SBNO2: variants seen among roughly 807,000 people sequenced by gnomAD.
The protein encoded by SBNO2 is protein strawberry notch homolog 2.
A neutral mutation model predicts 146.3 loss-of-function variants in SBNO2; 89 were observed. The observed-to-expected ratio is 0.61, with a 90% confidence interval of 0.51 to 0.73. SBNO2 has a LOEUF of 0.73. Among genes scored for constraint, SBNO2 ranks in the 30% least tolerant of loss-of-function variants. SBNO2 has a pLI of 0.00. For missense variants in SBNO2, 2,092 were observed against 2,003.7 expected (o/e 1.04, Z -0.84); for synonymous variants, 1,147 against 892.6 (o/e 1.29, Z -5.08).
At chr19:1,147,581 C>T (rs1245602940) in intron 3 of SBNO2, among the ~76,000 whole-genome samples, 161 bp from the exon 4 acceptor site, 1 of 152,018 alleles carries the variant, frequency 6.6e-6, no homozygotes, top group Non-Finnish European at 1.5e-5. Flanking sequence ...TACAGAGGGG[C>T]CTCCAGGGGG....
At chr19:1,170,828 C>A (rs2080470436) in intron 1 of SBNO2, among the ~76,000 whole-genome samples, 2 of 152,148 alleles carry the variant, frequency 1.3e-5, no homozygotes, top group Admixed American at 1.3e-4. Context: ...TTTGCATGAG[C>A]ACGGGTGCAA....
chr19:1,156,814 C>T (rs951116501), intron 1 of SBNO2, among the ~76,000 whole-genome samples: 4 of 149,684 alleles, frequency 2.7e-5, no homozygotes, highest in African/African-American at 9.7e-5. Context: ...GAAGGGGATG[C>T]GTGGGTGCCG....
rs992706165 is a variant in SBNO2 at position 1,126,509 on chromosome 19, G to C, written c.441+1095C>G. 1.1e-4 allele frequency among the ~76,000 whole-genome samples: 16 copies of C among 152,234 alleles called. No homozygotes were observed. Among genetic ancestry groups the C allele is most frequent in the African/African-American group, 3.9e-4 (16 of 41,544 alleles). ...CTCTGCTGGGCCCTTGTGCCAGAGG[G>C]ACCAAGCCTGAGCCGCCCACCATGG... On this transcript the variant is annotated intron_variant, in intron 5 of 31. Coordinates refer to ENST00000361757, the MANE Select transcript of SBNO2 (RefSeq NM_014963.3). The surrounding 1 kb of genome is among the most constrained non-coding windows in gnomAD (Gnocchi z 4.4).
intron 4 of SBNO2, among the ~76,000 whole-genome samples, chr19:1,134,336 C>CGGGTGGACCCACAGCTCCT (rs796679896): frequency 0.013 from 2,041 of 151,936 alleles, 44 homozygotes; most frequent in African/African-American, 0.046. Context: ...CCACAGCTCC[C>CGGGTGGACCCACAGCTCCT]GGGTGGACCC....
rs552932552 is a variant in SBNO2, at chr19:1,129,787, G to C, written c.280-2022C>G. 5.3e-5 allele frequency among the ~76,000 whole-genome samples: 8 copies of C among 152,326 alleles called. No individual in the cohort carries two copies. In the East Asian group the frequency reaches 1.3e-3, roughly 26 times the overall value. ...CGCCCAGGCCTTGGTGGTGCAGGGA[G>C]CGCAGGCAGAGCGGAGGAGAGCTCC... is the stretch of plus-strand genomic sequence containing the variant. On this transcript the variant is annotated intron_variant, in intron 4 of 31. Transcript: ENST00000361757.
chr19:1,160,479 G>A (rs1270490472), intron 1 of SBNO2, among the ~76,000 whole-genome samples: 1 of 152,214 alleles, frequency 6.6e-6, no homozygotes, highest in Admixed American at 6.5e-5. Flanking sequence ...GAGACCCGGG[G>A]GAGGACGCAC....
intron 1 of SBNO2, among the ~76,000 whole-genome samples, chr19:1,172,514 C>T (rs113069638): frequency 0.01 from 1,578 of 152,278 alleles, 10 homozygotes; most frequent in Non-Finnish European, 0.017. Context: ...GGTCCCATGT[C>T]CCCGCTGCTC....
At chr19:1,135,220 C>G (rs115037373) in intron 4 of SBNO2, among the ~76,000 whole-genome samples, 2,082 of 151,838 alleles carry the variant, frequency 0.014, 45 homozygotes, top group African/African-American at 0.047. Flanking sequence ...AAACCAGCTG[C>G]GCATGGTGGC....
chr19:1,146,342 C>A (rs974651780), intron 4 of SBNO2, among the ~76,000 whole-genome samples: 1 of 152,102 alleles, frequency 6.6e-6, no homozygotes, highest in Non-Finnish European at 1.5e-5. Context: ...GTCCACCCGG[C>A]GAGCTGTTTG....
rs1005594621 is a variant in SBNO2 at position 1,140,074 on chromosome 19, T to C, written c.279+7235A>G. ...CAATGCTTTGGGAGGCTGAGGTGGGTGGATCACAAGGTCAGGAGATTGAGA... is the reference window on the plus strand; with the variant it reads ...CAATGCTTTGGGAGGCTGAGGTGGGCGGATCACAAGGTCAGGAGATTGAGA... On this transcript the variant is annotated intron_variant, in intron 4 of 31. Transcript: ENST00000361757. The surrounding 1 kb of genome is among the most constrained non-coding windows in gnomAD (Gnocchi z 4.4). Among the ~76,000 whole-genome samples, 1 of 151,526 alleles carries C rather than the reference T, an allele frequency of 6.6e-6. No homozygotes were observed. The highest frequency in any genetic ancestry group is 1.5e-5 in the Non-Finnish European group (1 of 67,890).
intron 5 of SBNO2, among the ~76,000 whole-genome samples, chr19:1,125,778 T>C (rs564790284): frequency 2.8e-4 from 43 of 152,140 alleles, no homozygotes; most frequent in African/African-American, 7.7e-4. Flanking sequence ...CGAGATCTTT[T>C]GGGGCCAGGG....
chr19:1,145,513 G>C (rs951430177), intron 4 of SBNO2, among the ~76,000 whole-genome samples: 4 of 151,394 alleles, frequency 2.6e-5, no homozygotes, highest in Non-Finnish European at 5.9e-5. Flanking sequence ...AAAGAGAGAA[G>C]GAACACACAG....
chr19:1,122,827 G>C, intron 8 of SBNO2, 36 bp from the exon 9 acceptor site: 2 of 1,537,720 alleles, frequency 1.3e-6, no homozygotes, highest in Non-Finnish European at 1.7e-6. Context: ...GCCTGGGGGT[G>C]CTGGCCCGGC....
chr19:1,128,237 G>C (rs761356088), intron 4 of SBNO2: 4 of 496,978 alleles, frequency 8.0e-6, no homozygotes, highest in Non-Finnish European at 1.6e-5. Flanking sequence ...GGGCAGCAAT[G>C]CTGCAGGAAC....
At position 1,109,160 on chromosome 19, in the gene SBNO2, G is replaced by A. The variant is rs945916509; in HGVS notation, c.3400C>T (p.Leu1134=). 4.5e-6 allele frequency: 7 copies of A among 1,556,762 alleles called. No homozygotes were observed. The Admixed American group carries it at 5.8e-5, about 13-fold the overall frequency. ...CAGGCGCTGTGGCTGCAGTGCGTCA[G>A]CGACAAAGCGTAGCCACTCTCCCAG... ...EPWESGYALS[L]THCSHSAWNR... is the part of the protein sequence containing the mutation. The change falls in exon 30 of 32, where the codon CTG becomes TTG. Residue 1134 remains leucine (L), a synonymous_variant. Transcript: ENST00000361757. The surrounding 1 kb of genome is among the most constrained non-coding windows in gnomAD (Gnocchi z 4.2).
intron 2 of SBNO2, among the ~76,000 whole-genome samples, chr19:1,153,960 T>C (rs879097983): frequency 1.3e-5 from 2 of 152,198 alleles, no homozygotes; most frequent in Non-Finnish European, 2.9e-5. Flanking sequence ...ATGTGCTTCT[T>C]GAAAAGCTGG....
In SBNO2 at chr19:1,114,414, G is replaced by A. The variant is rs1389424163; in HGVS notation, c.1894C>T (p.Arg632Trp). Residue 632 changes from arginine to tryptophan, a missense_variant, in exon 18 of 32, where the codon CGG (arginine) becomes TGG (tryptophan). By Grantham distance (101) the Arg-to-Trp change is moderately radical (BLOSUM62 -3). Coordinates refer to ENST00000361757, the MANE Select transcript of SBNO2 (RefSeq NM_014963.3). The part of the protein sequence containing the change: ...GAGSKRKRRP[R>W]GRGAKAPRLA... ...CGGGGGGCTTTGGCCCCGCGTCCCC[G>A]AGGTCGCCCTGCAGGGAAGGACAGG... The A allele has an allele frequency of 1.1e-5, 17 of 1,531,606 alleles. No homozygotes were observed. The East Asian group carries it at 2.0e-4, about 18-fold the overall frequency. 94.9% of individuals were successfully genotyped at this position (1,531,606 alleles called of 1,614,324 possible).
At chr19:1,135,376 G>A (rs988240121) in intron 4 of SBNO2, among the ~76,000 whole-genome samples, 2 of 152,210 alleles carry the variant, frequency 1.3e-5, no homozygotes, top group African/African-American at 4.8e-5. Flanking sequence ...AAATAAAGTG[G>A]ATTTTGTGGT....
intron 15 of SBNO2, 38 bp downstream of exon 15, chr19:1,117,285 C>A (rs1015760002): frequency 1.3e-6 from 2 of 1,530,286 alleles, no homozygotes; most frequent in Non-Finnish European, 1.8e-6. Context: ...CCCTGCAGGC[C>A]CGGCCGCCCT....
Sources: allele counts gnomAD v4.1 joint callset (sites outside exome capture counted in the v4.1 genomes callset), GRCh38; gene constraint gnomAD v4.1.1; non-coding constraint Gnocchi (gnomAD v3.1); transcripts MANE v1.5; gene names NCBI Gene and HGNC (gene_info 2026-07-23, HGNC 2026-07-21).